GLI2: variants seen among roughly 807,000 people sequenced by gnomAD.
GLI2 encodes the protein transcription activator GLI2.
Under a neutral mutation model 78.9 loss-of-function variants are expected in GLI2, and 22 were observed. The observed-to-expected ratio is 0.28, with a 90% CI of 0.20 to 0.40. GLI2 has a LOEUF of 0.40. Ranked by LOEUF, GLI2 falls within the 10% of genes least tolerant of loss-of-function variation. The pLI, the probability that GLI2 is intolerant of heterozygous loss-of-function variation, is 1.00. For synonymous variants in GLI2, 974 were observed against 963.7 expected, an observed-to-expected ratio of 1.01 and a Z score of -0.20; for missense variants, 2,097 against 2,213.2, an observed-to-expected ratio of 0.95 and a Z score of 1.05.
At chr2:120,955,127 G>T in intron 4 of GLI2, 118 bp from the exon 5 acceptor site, 1 of 717,004 alleles carries the variant, frequency 1.4e-6, no homozygotes, top group Non-Finnish European at 2.4e-6. Flanking sequence ...GAGAAACCCC[G>T]ACACCAGGTG....
rs145523077 is a variant in GLI2, at chr2:120,828,037, A to G, written c.148+30569A>G. Among the ~76,000 whole-genome samples, 1,474 of 152,318 alleles carry G rather than the reference A, an allele frequency of 9.7e-3. 10 individuals are homozygous for G. Among genetic ancestry groups the G allele is most frequent in the Middle Eastern group, 0.017 (5 of 294 alleles). On this transcript the variant is annotated intron_variant, in intron 2 of 13. Coordinates refer to ENST00000361492, the MANE Select transcript of GLI2 (RefSeq NM_001374353.1). ...AAAAGGCATGGAAATGGTACATTTT[A>G]TGTTTTGTATATTTTCCTGCAAGTT...
chr2:120,834,213 A>C (rs1488138721), intron 2 of GLI2, among the ~76,000 whole-genome samples: 1 of 152,184 alleles, frequency 6.6e-6, no homozygotes, highest in Admixed American at 6.5e-5. Context: ...TCCCAGTGGG[A>C]GGACACCCCA....
intron 10 of GLI2, among the ~76,000 whole-genome samples, chr2:120,980,903 C>CG (rs1682689790): frequency 2.0e-5 from 3 of 148,692 alleles, no homozygotes; most frequent in African/African-American, 7.5e-5. Context: ...TTTTTTGAGA[C>CG]AGAGTCTCCC....
intron 3 of GLI2, among the ~76,000 whole-genome samples, chr2:120,930,006 A>T (rs1043106613): frequency 6.6e-6 from 1 of 152,144 alleles, no homozygotes; most frequent in African/African-American, 2.4e-5. Flanking sequence ...CTCATGAGTC[A>T]TGTTTGGCTG....
intron 2 of GLI2, among the ~76,000 whole-genome samples, chr2:120,838,276 A>G (rs998607907): frequency 5.3e-5 from 8 of 152,166 alleles, no homozygotes; most frequent in South Asian, 4.1e-4. Flanking sequence ...ACACATATAT[A>G]TATGTTTAAA....
chr2:120,877,130 C>T (rs1395642013), intron 2 of GLI2, among the ~76,000 whole-genome samples: 1 of 152,138 alleles, frequency 6.6e-6, no homozygotes, highest in Non-Finnish European at 1.5e-5. Flanking sequence ...GGGTGGCTTG[C>T]CTGGCCTCCC....
At chr2:120,836,543 C>T (rs573146511) in intron 2 of GLI2, among the ~76,000 whole-genome samples, 1 of 152,288 alleles carries the variant, frequency 6.6e-6, no homozygotes, top group South Asian at 2.1e-4. Context: ...GGTGGCACAC[C>T]TCCCCCTGTG....
At chr2:120,805,673 ATCACATGGGACACAGCTG>A (rs112493972) in intron 2 of GLI2, among the ~76,000 whole-genome samples, 3,317 of 152,322 alleles carry the variant, frequency 0.022, 116 homozygotes, top group African/African-American at 0.076. Flanking sequence ...GGAACATTCC[ATCACATGGGACACAGCTG>A]TCCCTCAACC....
intron 2 of GLI2, among the ~76,000 whole-genome samples, chr2:120,913,175 G>C (rs1558877615): frequency 6.6e-6 from 1 of 152,188 alleles, no homozygotes; most frequent in Non-Finnish European, 1.5e-5. Context: ...AGCTAGACTA[G>C]AATTCTGAAG....
chr2:120,843,131 C>T (rs1686961144), intron 2 of GLI2, among the ~76,000 whole-genome samples: 1 of 152,208 alleles, frequency 6.6e-6, no homozygotes. Flanking sequence ...CAATAAAGGC[C>T]TCATTTTCCT....
At chr2:120,781,364 C>A (rs1487324572) in intron 1 of GLI2, among the ~76,000 whole-genome samples, 1 of 152,200 alleles carries the variant, frequency 6.6e-6, no homozygotes, top group Non-Finnish European at 1.5e-5. Context: ...AGATTCTCCT[C>A]CCTTGCCCTG....
At position 120,990,699 on chromosome 2, in the gene GLI2, T is replaced by G. The variant is rs1683261462; in HGVS notation, c.*24T>G. 1 of 1,596,644 alleles carries G rather than the reference T, an allele frequency of 6.3e-7. No homozygotes were observed. Among genetic ancestry groups the G allele is most frequent in the South Asian group, 1.1e-5 (1 of 90,520 alleles). ...AGAGGCCCGAGCGCCTGGTGCTGAGTGCACCCGGAGGGGTCATCGCTGCCC... is the reference window on the plus strand; with the variant it reads ...AGAGGCCCGAGCGCCTGGTGCTGAGGGCACCCGGAGGGGTCATCGCTGCCC... On this transcript the variant is annotated 3_prime_UTR_variant, in exon 14 of 14. Transcript: ENST00000361492.
At chr2:120,985,335 G>A (rs965176169) in intron 12 of GLI2, among the ~76,000 whole-genome samples, 4 of 152,284 alleles carry the variant, frequency 2.6e-5, no homozygotes, top group African/African-American at 7.2e-5. Flanking sequence ...AGGTGGGCCC[G>A]GACAGGCACA....
At chr2:120,828,576 A>C (rs2104763172) in intron 2 of GLI2, among the ~76,000 whole-genome samples, 1 of 152,294 alleles carries the variant, frequency 6.6e-6, no homozygotes, top group East Asian at 1.9e-4. Context: ...TGAAGCTATT[A>C]AACCTTCACC....
At chr2:120,952,735 G>A (rs1446167160) in intron 4 of GLI2, among the ~76,000 whole-genome samples, 1 of 152,238 alleles carries the variant, frequency 6.6e-6, no homozygotes. Flanking sequence ...CCTTGACCAA[G>A]CTGGGGTGCC....
rs140522250 is a variant in GLI2, at chr2:120,811,256, G to A, written c.148+13788G>A. ...CCTGGGCACCTGTAGACATCCACTG[G>A]TGGATGGTGGGGTCAGAGTTGGGCC... On this transcript the variant is annotated intron_variant, in intron 2 of 13. Coordinates refer to ENST00000361492, the MANE Select transcript of GLI2 (RefSeq NM_001374353.1). Among the ~76,000 whole-genome samples the A allele has an allele frequency of 2.0e-3, 306 of 152,288 alleles. 4 individuals are homozygous for A. Among genetic ancestry groups the A allele is most frequent in the African/African-American group, 7.1e-3 (296 of 41,578 alleles).
intron 2 of GLI2, among the ~76,000 whole-genome samples, chr2:120,918,429 A>G (rs1301240473): frequency 6.6e-6 from 1 of 150,816 alleles, no homozygotes; most frequent in South Asian, 2.1e-4. Flanking sequence ...TATGGACACC[A>G]TAAATATTCT....
intron 1 of GLI2, among the ~76,000 whole-genome samples, chr2:120,759,480 G>A (rs538471666): frequency 2.0e-5 from 3 of 152,274 alleles, no homozygotes; most frequent in African/African-American, 7.2e-5. Context: ...CACAGAACTC[G>A]GGAAATACTT....
rs1245322214 is a variant in GLI2 at position 120,850,507 on chromosome 2, G to A, written c.148+53039G>A. Among the ~76,000 whole-genome samples, 5 of 152,150 alleles carry A rather than the reference G, an allele frequency of 3.3e-5. No individual in the cohort carries two copies. The East Asian group carries it at 9.6e-4, about 29-fold the overall frequency. ...AGGCTATCTTCAGTCATATAGGAGG[G>A]ACTCAAAGCATTTACCTTCTGTATA... On this transcript the variant is annotated intron_variant, in intron 2 of 13. Transcript: ENST00000361492.
Sources: allele counts gnomAD v4.1 joint callset (sites outside exome capture counted in the v4.1 genomes callset), GRCh38; gene constraint gnomAD v4.1.1; transcripts MANE v1.5; gene names NCBI Gene and HGNC (gene_info 2026-07-23, HGNC 2026-07-21).